ADGRV1: variants seen among roughly 807,000 people sequenced by gnomAD.
The protein encoded by ADGRV1 is G-protein coupled receptor 98.
Under a neutral mutation model 596.2 loss-of-function variants are expected in ADGRV1, and 359 were observed. The ratio of observed to expected loss-of-function variants is 0.60; its 90% CI spans 0.55 to 0.66. The LOEUF (loss-of-function observed/expected upper bound fraction) is 0.66, where lower values mean the gene tolerates loss of function less well. Among genes scored for constraint, ADGRV1 ranks in the 30% least tolerant of loss-of-function variants. The pLI, the probability that ADGRV1 is intolerant of heterozygous loss-of-function variation, is 0.00. For missense variants in ADGRV1, 7,274 were observed against 7,575.6 expected, an observed-to-expected ratio of 0.96 and a Z score of 1.48; for synonymous variants, 2,681 against 2,679.2, an observed-to-expected ratio of 1.00 and a Z score of -0.02.
intron 87 of ADGRV1, among the ~76,000 whole-genome samples, chr5:91,136,924 A>G (rs1287440697): frequency 1.3e-5 from 2 of 152,122 alleles, no homozygotes; most frequent in African/African-American, 4.8e-5. Context: ...TGATCACTCC[A>G]TTTCCTTTAG....
intron 85 of ADGRV1, among the ~76,000 whole-genome samples, chr5:91,043,080 C>T (rs1785503100): frequency 6.6e-6 from 1 of 152,130 alleles, no homozygotes. Flanking sequence ...ATTTCCTGTT[C>T]ACCATCTGGG....
chr5:90,640,526 C>T (rs753105894), intron 11 of ADGRV1, among the ~76,000 whole-genome samples: 11 of 152,104 alleles, frequency 7.2e-5, no homozygotes, highest in Non-Finnish European at 1.3e-4. Context: ...CAGTGCTTGG[C>T]AGGCACAGGC....
At chr5:91,090,332 T>C (rs116641737) in intron 86 of ADGRV1, among the ~76,000 whole-genome samples, 1 of 152,288 alleles carries the variant, frequency 6.6e-6, no homozygotes, top group African/African-American at 2.4e-5. Flanking sequence ...GTTATTCTCC[T>C]TAGATTCAAA....
intron 75 of ADGRV1, among the ~76,000 whole-genome samples, chr5:90,822,476 C>G (rs1763654482): frequency 6.6e-6 from 1 of 152,132 alleles, no homozygotes; most frequent in Non-Finnish European, 1.5e-5. Flanking sequence ...CTGTTCTGTT[C>G]CATTGATCTG....
At chr5:90,971,726 G>A (rs879959963) in intron 84 of ADGRV1, among the ~76,000 whole-genome samples, 1 of 152,100 alleles carries the variant, frequency 6.6e-6, no homozygotes, top group Non-Finnish European at 1.5e-5. Flanking sequence ...AGGAACAACT[G>A]GTACCAGCCA....
At chr5:90,692,516 T>G in intron 31 of ADGRV1, 89 bp from the exon 32 acceptor site, 1 of 941,118 alleles carries the variant, frequency 1.1e-6, no homozygotes, top group South Asian at 1.8e-5. Context: ...TGTACTTGTA[T>G]GTATATGTTT....
Position 90,724,884 on chromosome 5 carries a change from T to C in ADGRV1, c.9801T>C (p.Ala3267=). The C allele has an allele frequency of 6.2e-7, 1 of 1,612,976 alleles. No individual in the cohort carries two copies. ...TTCAAAGTTTTTTGGATGAATCAGC[T>C]TCTGGCTGGTGTTTCTTTACTTTGG... is the stretch of plus-strand genomic sequence containing the variant. ...SVFQSFLDES[A]SGWCFFTLEN... Residue 3267 remains alanine, a synonymous_variant, in exon 46 of 90, where the codon GCT becomes GCC. Transcript: ENST00000405460.
intron 36 of ADGRV1, 37 bp downstream of exon 36, chr5:90,704,525 T>A: frequency 7.7e-7 from 1 of 1,305,338 alleles, no homozygotes; most frequent in East Asian, 2.5e-5. Context: ...TTTTGGTATA[T>A]TCTTTTCGTA....
At chr5:90,806,253 A>G (rs1455813667) in intron 72 of ADGRV1, among the ~76,000 whole-genome samples, 3 of 152,170 alleles carry the variant, frequency 2.0e-5, no homozygotes, top group African/African-American at 7.2e-5. Context: ...CTTCCATCCT[A>G]ACAGGAATCC....
intron 83 of ADGRV1, among the ~76,000 whole-genome samples, chr5:90,888,436 T>G (rs1251991911): frequency 6.6e-6 from 1 of 152,134 alleles, no homozygotes; most frequent in Non-Finnish European, 1.5e-5. Context: ...AATTGGTAAC[T>G]AAAATATAAA....
intron 85 of ADGRV1, among the ~76,000 whole-genome samples, chr5:90,992,242 A>G (rs1325889205): frequency 2.6e-5 from 4 of 152,188 alleles, no homozygotes; most frequent in Non-Finnish European, 5.9e-5. Flanking sequence ...AGGCCTGTTA[A>G]CTCCTTCAAA....
chr5:90,870,834 T>C (rs1368601677), intron 83 of ADGRV1, among the ~76,000 whole-genome samples: 1 of 152,206 alleles, frequency 6.6e-6, no homozygotes, highest in Non-Finnish European at 1.5e-5. Context: ...GAAAGAGAAC[T>C]TCCTGTTGAA....
chr5:90,868,468 C>A (rs898513827), intron 83 of ADGRV1, among the ~76,000 whole-genome samples: 36 of 151,762 alleles, frequency 2.4e-4, no homozygotes, highest in African/African-American at 8.0e-4. Context: ...ATGAACAAGG[C>A]CTTTATTCTG....
At chr5:90,598,863 C>T (rs936629468) in intron 1 of ADGRV1, among the ~76,000 whole-genome samples, 2 of 152,072 alleles carry the variant, frequency 1.3e-5, no homozygotes, top group East Asian at 1.9e-4. Context: ...CTAGGGATAC[C>T]AAGGAATTAA....
chr5:90,720,809 TATC>T (rs1182746661), intron 44 of ADGRV1, 123 bp from the exon 45 acceptor site: 3 of 665,182 alleles, frequency 4.5e-6, no homozygotes, highest in African/African-American at 3.7e-5. Context: ...AGTATTTTCT[TATC>T]ATCTCATCTT....
chr5:90,578,580 T>G (rs1757546385), intron 1 of ADGRV1, among the ~76,000 whole-genome samples: 1 of 152,170 alleles, frequency 6.6e-6, no homozygotes, highest in South Asian at 2.1e-4. Context: ...TCTCTTTTTT[T>G]GTTGTGTCTC....
intron 83 of ADGRV1, among the ~76,000 whole-genome samples, chr5:90,963,790 A>G (rs991380302): frequency 3.3e-5 from 5 of 151,294 alleles, no homozygotes; most frequent in South Asian, 2.1e-4. Context: ...TTAAAAATCT[A>G]TACTTGATCA....
At chr5:90,970,748 A>G (rs1778895871) in intron 84 of ADGRV1, among the ~76,000 whole-genome samples, 1 of 152,122 alleles carries the variant, frequency 6.6e-6, no homozygotes, top group Non-Finnish European at 1.5e-5. Context: ...AACCACAAAG[A>G]TGGGGAAAAA....
chr5:90,978,624 G>GGATA (rs1779826464), intron 84 of ADGRV1, among the ~76,000 whole-genome samples: 1 of 151,964 alleles, frequency 6.6e-6, no homozygotes, highest in Non-Finnish European at 1.5e-5. Flanking sequence ...TTGAGGTGAT[G>GGATA]GATACCCCAA....
Sources: allele counts gnomAD v4.1 joint callset (sites outside exome capture counted in the v4.1 genomes callset), GRCh38; gene constraint gnomAD v4.1.1; transcripts MANE v1.5; gene names NCBI Gene and HGNC (gene_info 2026-07-23, HGNC 2026-07-21).